The following SPON1 variants were observed in gnomAD, a reference collection of about 807,000 sequenced individuals.
SPON1 encodes the protein spondin 1.
In SPON1, 52 loss-of-function variants were observed where a neutral mutation model predicts 111.7. That is an observed-to-expected ratio of 0.47 (90% CI 0.37 to 0.59). SPON1 has a LOEUF of 0.59. Ranked by LOEUF, SPON1 falls within the 20% of genes least tolerant of loss-of-function variation. The probability of loss-of-function intolerance (pLI) is 0.00; values close to 1 mark genes in which losing one functional copy is unlikely to be tolerated. For missense variants in SPON1, 957 were observed against 1,068.5 expected (o/e 0.90, Z 1.46); for synonymous variants, 410 against 395.8 (o/e 1.04, Z -0.43).
chr11:14,078,180 AT>A (rs1302977261), intron 4 of SPON1, among the ~76,000 whole-genome samples: 4 of 152,272 alleles, frequency 2.6e-5, no homozygotes, highest in Admixed American at 2.6e-4. Flanking sequence ...TGAAAAATTT[AT>A]TTTTCAAATG....
chr11:14,023,640 C>A (rs960162797), intron 2 of SPON1, among the ~76,000 whole-genome samples: 5 of 152,120 alleles, frequency 3.3e-5, no homozygotes, highest in African/African-American at 1.2e-4. Context: ...CACAGCCTGC[C>A]AACTGGGAAC....
At chr11:14,000,761 A>T (rs574651089) in intron 2 of SPON1, among the ~76,000 whole-genome samples, 1 of 151,954 alleles carries the variant, frequency 6.6e-6, no homozygotes, top group East Asian at 1.9e-4. Context: ...CCCCTCCAAA[A>T]CAGCTTGTAC....
At chr11:14,020,095 GAGA>G (rs1267682918) in intron 2 of SPON1, among the ~76,000 whole-genome samples, 1 of 152,294 alleles carries the variant, frequency 6.6e-6, no homozygotes, top group East Asian at 1.9e-4. Context: ...TTTAGCAAAA[GAGA>G]AGGAGGGAAT....
At chr11:14,095,277 A>G in intron 5 of SPON1, among the ~76,000 whole-genome samples, 1 of 151,970 alleles carries the variant, frequency 6.6e-6, no homozygotes, top group East Asian at 1.9e-4. Flanking sequence ...CCTTAGCACC[A>G]TGCCTAGAAG....
Position 14,259,341 on chromosome 11 carries a change from C to T in SPON1, c.1554C>T (p.Gly518=). 1 of 1,613,098 alleles carries T rather than the reference C, an allele frequency of 6.2e-7. No homozygotes were observed. ...GGTCGCCCTGCAGCATCTCCTGCGG[C>T]ATGGGCATGAGGTCCCGGGAGAGGT... The part of the protein sequence containing the change: ...ITWSPCSISC[G]MGMRSRERYV... The change falls in exon 12 of 16, where the codon GGC becomes GGT. Residue 518 remains glycine (G), a synonymous_variant. Coordinates refer to ENST00000576479, the MANE Select transcript of SPON1 (RefSeq NM_006108.4). This position sits in a 1 kb window ranked among gnomAD's most constrained non-coding sequence, Gnocchi z 5.0.
rs1436460467 is a variant in SPON1 at position 14,265,611 on chromosome 11, A to G, written c.2348A>G (p.Lys783Arg). The G allele has an allele frequency of 9.9e-6, 16 of 1,613,712 alleles. No homozygotes were observed. Among genetic ancestry groups the G allele is most frequent in the Non-Finnish European group, 1.4e-5 (16 of 1,179,830 alleles). ...GIQERYMTVK[K>R]RFKSSQFTSC... is the part of the protein sequence containing the mutation. ...CAGGAACGTTACATGACTGTAAAGA[A>G]GAGATTCAAAAGCTCCCAGTTTACC... The change falls in exon 16 of 16, where the codon AAG (lysine) becomes AGG (arginine). Residue 783 changes from lysine (K) to arginine (R), a missense_variant. Coordinates refer to ENST00000576479, the MANE Select transcript of SPON1 (RefSeq NM_006108.4).
At chr11:14,219,531 C>G (rs1305728200) in intron 6 of SPON1, among the ~76,000 whole-genome samples, 1 of 152,142 alleles carries the variant, frequency 6.6e-6, no homozygotes, top group Non-Finnish European at 1.5e-5. Flanking sequence ...GGCCAAATTC[C>G]AATCACAACT....
chr11:14,057,039 T>C (rs1848750417), intron 3 of SPON1, among the ~76,000 whole-genome samples: 1 of 151,986 alleles, frequency 6.6e-6, no homozygotes, highest in East Asian at 1.9e-4. Flanking sequence ...CTAAATAATA[T>C]AAATAATATA....
At chr11:14,079,265 T>A (rs78667353) in intron 4 of SPON1, among the ~76,000 whole-genome samples, 2 of 152,328 alleles carry the variant, frequency 1.3e-5, no homozygotes, top group East Asian at 3.9e-4. Flanking sequence ...GCTACTTCTA[T>A]ACCCAGAAGT....
intron 11 of SPON1, 105 bp downstream of exon 11, chr11:14,258,003 A>ATCTACTGTCAG: frequency 9.2e-7 from 1 of 1,090,484 alleles, no homozygotes; most frequent in Non-Finnish European, 1.3e-6. Context: ...GGACCCTGAC[A>ATCTACTGTCAG]GTAGATGTCA....
intron 2 of SPON1, among the ~76,000 whole-genome samples, chr11:14,023,731 C>T (rs1051454817): frequency 3.3e-5 from 5 of 152,068 alleles, no homozygotes; most frequent in East Asian, 3.9e-4. Flanking sequence ...GGGCCAGGTG[C>T]GGTGGCTCAC....
Position 14,257,777 on chromosome 11 carries a change from C to T in SPON1, c.1371C>T (p.Ser457=). Residue 457 remains serine (S), a synonymous_variant, in exon 11 of 16, where the codon TCC becomes TCT. Coordinates refer to ENST00000576479, the MANE Select transcript of SPON1 (RefSeq NM_006108.4). ...NWSPWSACSS[S]TCDKGKRMRQ... ...CCCCATGGTCCGCCTGCAGCTCCTCCACCTGTGACAAAGGCAAGAGGATGC... is the reference window on the plus strand; with the variant it reads ...CCCCATGGTCCGCCTGCAGCTCCTCTACCTGTGACAAAGGCAAGAGGATGC... The T allele has an allele frequency of 6.2e-7, 1 of 1,613,308 alleles. No individual in the cohort carries two copies. Among genetic ancestry groups the T allele is most frequent in the Non-Finnish European group, 8.5e-7 (1 of 1,179,676 alleles).
chr11:14,220,064 G>A (rs1848664501), intron 6 of SPON1, among the ~76,000 whole-genome samples: 1 of 148,828 alleles, frequency 6.7e-6, no homozygotes, highest in South Asian at 2.2e-4. Flanking sequence ...TCCAGCCTGG[G>A]CAACAGAGTG....
At chr11:14,197,318 C>A (rs1164515837) in intron 6 of SPON1, among the ~76,000 whole-genome samples, 3 of 152,102 alleles carry the variant, frequency 2.0e-5, no homozygotes, top group Non-Finnish European at 4.4e-5. Flanking sequence ...TCCCCCCTTA[C>A]ATTTCACTGT....
At chr11:14,086,922 GTTTA>G (rs1849011288) in intron 5 of SPON1, among the ~76,000 whole-genome samples, 2 of 152,188 alleles carry the variant, frequency 1.3e-5, no homozygotes, top group South Asian at 4.1e-4. Context: ...AGATTTTCTA[GTTTA>G]TTTGTGTAGA....
chr11:14,268,047 G>A lies in SPON1; in HGVS notation c.*2360G>A, dbSNP rs1322581811. On this transcript the variant is annotated 3_prime_UTR_variant, in exon 16 of 16. Transcript: ENST00000576479. ...CCTTGCCAGTGCATTTTATTAGAAG[G>A]GAATCTGTTGTAGCAAATGGGAATA... Among the ~76,000 whole-genome samples, 12 of 152,098 alleles carry A rather than the reference G, an allele frequency of 7.9e-5. No homozygotes were observed. Among genetic ancestry groups the A allele is most frequent in the African/African-American group, 2.7e-4 (11 of 41,416 alleles).
chr11:14,023,534 A>G (rs1848495549), intron 2 of SPON1, among the ~76,000 whole-genome samples: 1 of 152,196 alleles, frequency 6.6e-6, no homozygotes, highest in African/African-American at 2.4e-5. Context: ...GGAATTGGAT[A>G]TAGGGAGATG....
intron 2 of SPON1, among the ~76,000 whole-genome samples, chr11:14,013,110 G>A (rs1382801892): frequency 1.3e-5 from 2 of 152,124 alleles, no homozygotes; most frequent in Non-Finnish European, 2.9e-5. Context: ...CTGAACCTAG[G>A]ATGTTGCTTC....
chr11:13,998,371 C>T (rs1848289907), intron 2 of SPON1, among the ~76,000 whole-genome samples: 1 of 152,194 alleles, frequency 6.6e-6, no homozygotes. Context: ...AAAATCCTTT[C>T]TGGGTTATTC....
Sources: allele counts gnomAD v4.1 joint callset (sites outside exome capture counted in the v4.1 genomes callset), GRCh38; gene constraint gnomAD v4.1.1; non-coding constraint Gnocchi (gnomAD v3.1); transcripts MANE v1.5; gene names NCBI Gene and HGNC (gene_info 2026-07-23, HGNC 2026-07-21).